The following PCDHGA9 variants were observed in gnomAD, a reference collection of about 807,000 sequenced individuals.
PCDHGA9 encodes protocadherin gamma-A9.
PCDHGA9 carries 37 observed loss-of-function variants against 62.5 expected under a neutral mutation model. That is an observed-to-expected ratio of 0.59 (90% CI 0.46 to 0.78). The LOEUF (loss-of-function observed/expected upper bound fraction) is 0.78. Among genes scored for constraint, PCDHGA9 ranks in the 30% least tolerant of loss-of-function variants. The pLI is 0.00. For synonymous variants in PCDHGA9, 459 were observed against 484.6 expected (o/e 0.95, Z 0.69); for missense variants, 1,138 against 1,166.2 (o/e 0.98, Z 0.35).
At chr5:141,499,625 C>A (rs1238895570) in intron 2 of PCDHGA9, among the ~76,000 whole-genome samples, 1 of 149,832 alleles carries the variant, frequency 6.7e-6, no homozygotes, top group East Asian at 2.0e-4. Flanking sequence ...TCCTTGGATT[C>A]TTTTGAAGCA....
At chr5:141,506,649 T>C (rs1487823663) in intron 3 of PCDHGA9, among the ~76,000 whole-genome samples, 1 of 152,114 alleles carries the variant, frequency 6.6e-6, no homozygotes, top group Admixed American at 6.6e-5. Context: ...CAGCACAGGA[T>C]TGGCAGAGAG....
intron 1 of PCDHGA9, among the ~76,000 whole-genome samples, chr5:141,437,983 A>G (rs544812394): frequency 4.6e-5 from 7 of 151,938 alleles, no homozygotes; most frequent in Admixed American, 2.6e-4. Context: ...GGATGCACCC[A>G]CCCCACCTCA....
chr5:141,421,837 G>A, intron 1 of PCDHGA9: 1 of 1,613,782 alleles, frequency 6.2e-7, no homozygotes. Flanking sequence ...CCTGGACCGA[G>A]AGAAAGAGGC....
At position 141,463,977 on chromosome 5, in the gene PCDHGA9, T is replaced by C. The variant is rs948698340; in HGVS notation, c.2425-30830T>C. On this transcript the variant is annotated intron_variant, in intron 1 of 3. Coordinates refer to ENST00000573521, the MANE Select transcript of PCDHGA9 (RefSeq NM_018921.3). ...TTTAAAATAGCTTCATAAAACTCCA[T>C]TGTAAAAACCAGGTGCAGTGGCTCA... Among the ~76,000 whole-genome samples the C allele has an allele frequency of 2.6e-5, 4 of 152,258 alleles. 1 individual carries two copies. The highest frequency in any genetic ancestry group is 4.4e-5 in the Non-Finnish European group (3 of 68,004).
rs1218837884 is a variant in PCDHGA9 at position 141,403,668 on chromosome 5, C to A, written c.716C>A (p.Ala239Asp). The change falls in exon 1 of 4, where the codon GCC becomes GAC. Residue 239 changes from alanine (A) to aspartate (D), a missense_variant. Coordinates refer to ENST00000573521, the MANE Select transcript of PCDHGA9 (RefSeq NM_018921.3). ...HVTVLDTNDN[A>D]PVFAQRIYRV... ...ACAGTGTTGGATACAAATGATAATG[C>A]CCCGGTTTTTGCTCAACGGATTTAC... 1.9e-6 allele frequency: 3 copies of A among 1,613,772 alleles called. No individual in the cohort carries two copies. In the African/African-American group the frequency reaches 4.0e-5, roughly 22 times the overall value.
In PCDHGA9 at chr5:141,439,231, T is replaced by C. The variant is rs545867747; in HGVS notation, c.2424+33855T>C. 2.0e-5 allele frequency among the ~76,000 whole-genome samples: 3 copies of C among 151,650 alleles called. No individual in the cohort carries two copies. In the East Asian group the frequency reaches 5.8e-4, roughly 29 times the overall value. On this transcript the variant is annotated intron_variant, in intron 1 of 3. Coordinates refer to ENST00000573521, the MANE Select transcript of PCDHGA9 (RefSeq NM_018921.3). ...TCCATATGTGAAAATTCTTAGAAGC[T>C]TCCTATACAATTTCAGCTGAAGATT...
intron 1 of PCDHGA9, chr5:141,422,699 C>T: frequency 6.2e-7 from 1 of 1,603,420 alleles, no homozygotes; most frequent in Middle Eastern, 1.7e-4. Flanking sequence ...GTCACTTACT[C>T]TCTGACGGAT....
At chr5:141,437,032 C>T (rs2097859215) in intron 1 of PCDHGA9, among the ~76,000 whole-genome samples, 1 of 152,182 alleles carries the variant, frequency 6.6e-6, no homozygotes, top group Admixed American at 6.5e-5. Context: ...GAAAATGGAT[C>T]ACCGAAACCA....
In PCDHGA9 at chr5:141,489,120, G is replaced by C; in HGVS notation, c.2425-5687G>C. The C allele has an allele frequency of 1.1e-5, 5 of 445,662 alleles. No homozygotes were observed. Among genetic ancestry groups the C allele is most frequent in the East Asian group, 3.8e-5 (1 of 26,010 alleles). The allele number at this position is 445,662 out of a possible 1,614,324, so 27.6% of individuals were successfully genotyped here. ...AACTGCTGCAAGCAGGCAAACCTCC[G>C]AGCAGTTTTTAAGAGGCTGGAAGGA... On this transcript the variant is annotated intron_variant, in intron 1 of 3. Transcript: ENST00000573521. This position sits in a 1 kb window ranked among gnomAD's most constrained non-coding sequence, Gnocchi z 4.5.
At chr5:141,422,141 G>A (rs1441509284) in intron 1 of PCDHGA9, 9 of 1,583,068 alleles carry the variant, frequency 5.7e-6, no homozygotes, top group Middle Eastern at 1.7e-4. Context: ...GTTCAAGTAC[G>A]GGGGTCTCTG....
At chr5:141,469,126 A>T (rs2099191838) in intron 1 of PCDHGA9, among the ~76,000 whole-genome samples, 1 of 151,470 alleles carries the variant, frequency 6.6e-6, no homozygotes, top group African/African-American at 2.4e-5. Context: ...AAATTTAAAA[A>T]TTAGCCAGAA....
chr5:141,483,648 TTGTG>T (rs111458813), intron 1 of PCDHGA9, among the ~76,000 whole-genome samples: 10 of 149,592 alleles, frequency 6.7e-5, no homozygotes, highest in Non-Finnish European at 1.0e-4. Flanking sequence ...GGGTGTGTGT[TTGTG>T]TGTGTGTGTG....
Position 141,481,770 on chromosome 5 carries a change from G to T in PCDHGA9, c.2425-13037G>T, listed in dbSNP as rs188953511. 6.1e-3 allele frequency among the ~76,000 whole-genome samples: 929 copies of T among 152,184 alleles called. 10 individuals are homozygous for T. Among genetic ancestry groups the T allele is most frequent in the African/African-American group, 0.022 (895 of 41,516 alleles). On this transcript the variant is annotated intron_variant, in intron 1 of 3. Coordinates refer to ENST00000573521, the MANE Select transcript of PCDHGA9 (RefSeq NM_018921.3). ...AGTCCAAGACCAGCCTGGCCAACAT[G>T]GTGAAACCCCGTCTCTACTAAAAAT... is the stretch of plus-strand genomic sequence containing the variant.
In PCDHGA9 at chr5:141,487,046, G is replaced by A; in HGVS notation, c.2425-7761G>A. ...CAGCCTGTTTGCAGTCTCTCGATATGCTGGGGAGGTGCGGACGGCTGTTCC... is the reference window on the plus strand; with the variant it reads ...CAGCCTGTTTGCAGTCTCTCGATATACTGGGGAGGTGCGGACGGCTGTTCC... On this transcript the variant is annotated intron_variant, in intron 1 of 3. Coordinates refer to ENST00000573521, the MANE Select transcript of PCDHGA9 (RefSeq NM_018921.3). The surrounding 1 kb of genome is among the most constrained non-coding windows in gnomAD (Gnocchi z 5.0). 6.2e-7 allele frequency: 1 copy of A among 1,614,192 alleles called. No individual in the cohort carries two copies. Among genetic ancestry groups the A allele is most frequent in the Non-Finnish European group, 8.5e-7 (1 of 1,180,040 alleles).
intron 1 of PCDHGA9, chr5:141,414,109 G>A: frequency 6.3e-7 from 1 of 1,592,288 alleles, no homozygotes; most frequent in Non-Finnish European, 8.6e-7. Context: ...AGAAAATCTA[G>A]ATTATGAAGA....
At position 141,404,325 on chromosome 5, in the gene PCDHGA9, C is replaced by G. The variant is rs762306578; in HGVS notation, c.1373C>G (p.Ser458Ter). 4.3e-6 allele frequency: 7 copies of G among 1,613,876 alleles called. No individual in the cohort carries two copies. Among genetic ancestry groups the G allele is most frequent in the Non-Finnish European group, 5.9e-6 (7 of 1,179,766 alleles). ...CCTGCTTTCTCTCAAGCCTCCTACT[C>G]AGTCTACCTCCCGGAAAACAACGCC... The part of the protein sequence containing the change: ...NPPAFSQASY[S>*]VYLPENNARG... The change falls in exon 1 of 4, where the codon TCA (serine) becomes TGA (stop). Residue 458 changes from serine to a stop codon, truncating the protein, a stop_gained. Coordinates refer to ENST00000573521, the MANE Select transcript of PCDHGA9 (RefSeq NM_018921.3). LOFTEE classifies it high-confidence loss of function.
intron 3 of PCDHGA9, among the ~76,000 whole-genome samples, chr5:141,506,038 G>C (rs2099850248): frequency 6.6e-6 from 1 of 152,174 alleles, no homozygotes; most frequent in South Asian, 2.1e-4. Context: ...GTAGGATTCT[G>C]GTTTTCCCAT....
intron 1 of PCDHGA9, chr5:141,478,523 G>T (rs2099461821): frequency 6.2e-7 from 1 of 1,609,908 alleles, no homozygotes; most frequent in Non-Finnish European, 8.5e-7. Context: ...GGTGTTGGGT[G>T]CAGAGAGCGC....
In PCDHGA9 at chr5:141,413,371, CGCGGAGT is replaced by C. The variant is rs765391000; in HGVS notation, c.2424+7996_2424+8002del. The C allele has an allele frequency of 3.7e-6, 6 of 1,613,848 alleles. No homozygotes were observed. In the African/African-American group the frequency reaches 8.0e-5, roughly 22 times the overall value. On this transcript the variant is annotated intron_variant, in intron 1 of 3. Coordinates refer to ENST00000573521, the MANE Select transcript of PCDHGA9 (RefSeq NM_018921.3). ...TCTGGCGCCCCGGGAGCTGGCGGAG[CGCGGAGT>C]CCGCATAGTCTCCAGAGGTAGGACG...
Sources: gnomAD v4.1 joint callset for allele counts (sites outside exome capture counted in the v4.1 genomes callset) on GRCh38, gnomAD v4.1.1 for gene constraint, Gnocchi (gnomAD v3.1) non-coding constraint, MANE v1.5 for transcripts, NCBI Gene and HGNC (gene_info 2026-07-23, HGNC 2026-07-21) for gene names.